PDGFC: variants seen among roughly 807,000 people sequenced by gnomAD.
PDGFC encodes the protein platelet-derived growth factor C.
A neutral mutation model predicts 35.5 loss-of-function variants in PDGFC; 12 were observed. That is an observed-to-expected ratio of 0.34 (90% CI 0.22 to 0.55). PDGFC has a LOEUF of 0.55. Ranked by LOEUF, PDGFC falls within the 20% of genes least tolerant of loss-of-function variation. PDGFC has a pLI of 0.91. For synonymous variants in PDGFC, 159 were observed against 148.8 expected (o/e 1.07, Z -0.50); for missense variants, 322 against 412.4 (o/e 0.78, Z 1.90).
At chr4:156,890,725 C>T (rs539695444) in intron 1 of PDGFC, among the ~76,000 whole-genome samples, 3 of 152,242 alleles carry the variant, frequency 2.0e-5, no homozygotes, top group African/African-American at 4.8e-5. Context: ...AATGTGCTGA[C>T]TAAAATGCTA....
intron 2 of PDGFC, among the ~76,000 whole-genome samples, chr4:156,849,849 G>A (rs1287350368): frequency 6.6e-6 from 1 of 152,014 alleles, no homozygotes; most frequent in Non-Finnish European, 1.5e-5. Flanking sequence ...TTGGCTATGA[G>A]GAAGGTCAAA....
intron 2 of PDGFC, among the ~76,000 whole-genome samples, chr4:156,824,321 TATATATACAC>T (rs1386293380): frequency 1.0e-4 from 10 of 96,250 alleles, no homozygotes; most frequent in African/African-American, 5.0e-4. Context: ...TATATATATA[TATATATACAC>T]ACACACACAC....
chr4:156,870,899 G>A (rs982428128), intron 1 of PDGFC, among the ~76,000 whole-genome samples: 1 of 152,110 alleles, frequency 6.6e-6, no homozygotes, highest in Non-Finnish European at 1.5e-5. Context: ...CGATTGGAAA[G>A]TTTCATTAAA....
intron 1 of PDGFC, among the ~76,000 whole-genome samples, chr4:156,947,365 A>C (rs1245909898): frequency 1.3e-5 from 2 of 151,986 alleles, no homozygotes; most frequent in Non-Finnish European, 2.9e-5. Flanking sequence ...TTTTAATTTA[A>C]AGTTCTCCCC....
chr4:156,882,839 C>T (rs1730275525), intron 1 of PDGFC, among the ~76,000 whole-genome samples: 1 of 152,128 alleles, frequency 6.6e-6, no homozygotes, highest in African/African-American at 2.4e-5. Context: ...AATCCCAGCA[C>T]TTTGGGAGGC....
chr4:156,844,564 C>CACA (rs1409975070), intron 2 of PDGFC, among the ~76,000 whole-genome samples: 9 of 151,838 alleles, frequency 5.9e-5, no homozygotes, highest in Admixed American at 2.6e-4. Flanking sequence ...CTATAACATA[C>CACA]ACAGACACAC....
intron 1 of PDGFC, among the ~76,000 whole-genome samples, chr4:156,876,018 TCTAC>T (rs1730108362): frequency 6.6e-6 from 1 of 152,092 alleles, no homozygotes; most frequent in South Asian, 2.1e-4. Flanking sequence ...GAAAGGAGAT[TCTAC>T]CTAAGAATGA....
intron 1 of PDGFC, chr4:156,876,328 G>A (rs1162140934): frequency 1.3e-5 from 2 of 152,000 alleles, no homozygotes; most frequent in Admixed American, 6.6e-5. Context: ...ACTTGTTTAC[G>A]AAAGGTTCAA....
chr4:156,827,082 C>A (rs778019242), intron 2 of PDGFC, among the ~76,000 whole-genome samples: 1 of 152,110 alleles, frequency 6.6e-6, no homozygotes, highest in Non-Finnish European at 1.5e-5. Context: ...AAGAAAAATT[C>A]TGTTCATCCA....
intron 1 of PDGFC, among the ~76,000 whole-genome samples, chr4:156,915,242 C>T (rs1003857255): frequency 2.0e-4 from 31 of 152,220 alleles, no homozygotes; most frequent in African/African-American, 7.2e-4. Context: ...CAACAAAATA[C>T]AAAGCGTTAG....
chr4:156,903,644 A>G (rs974664664), intron 1 of PDGFC, among the ~76,000 whole-genome samples: 3 of 152,156 alleles, frequency 2.0e-5, no homozygotes, highest in Non-Finnish European at 4.4e-5. Context: ...TGAAACTAAA[A>G]TAAGATAAAC....
At chr4:156,901,944 T>A (rs1730798854) in intron 1 of PDGFC, among the ~76,000 whole-genome samples, 1 of 152,194 alleles carries the variant, frequency 6.6e-6, no homozygotes, top group Non-Finnish European at 1.5e-5. Context: ...CATGTCTAGC[T>A]TTGAGCATGC....
intron 1 of PDGFC, among the ~76,000 whole-genome samples, chr4:156,872,312 A>C (rs138734201): frequency 1.3e-5 from 2 of 152,352 alleles, no homozygotes; most frequent in Non-Finnish European, 2.9e-5. Flanking sequence ...ATGGCACAGA[A>C]GACAGGCAAA....
chr4:156,810,446 T>C (rs895468082), intron 3 of PDGFC, among the ~76,000 whole-genome samples: 1 of 151,982 alleles, frequency 6.6e-6, no homozygotes, highest in African/African-American at 2.4e-5. Context: ...AATGATTCTA[T>C]TATTACTAAA....
chr4:156,820,432 G>A lies in PDGFC; in HGVS notation c.315-9415C>T, dbSNP rs554498891. On this transcript the variant is annotated intron_variant, in intron 2 of 5. Coordinates refer to ENST00000502773, the MANE Select transcript of PDGFC (RefSeq NM_016205.3). Reference sequence around the variant, plus strand: ...TAAGCACCACCATGATCAGTCAGCAGCCACCACATTGAGGCAGGATGTGAG... The same window carrying A: ...TAAGCACCACCATGATCAGTCAGCAACCACCACATTGAGGCAGGATGTGAG... Among the ~76,000 whole-genome samples, 59 of 152,274 alleles carry A rather than the reference G, an allele frequency of 3.9e-4. No homozygotes were observed. In the East Asian group the frequency reaches 8.7e-3, roughly 22 times the overall value.
chr4:156,870,233 T>C (rs759067305), intron 1 of PDGFC, among the ~76,000 whole-genome samples: 48 of 152,176 alleles, frequency 3.2e-4, no homozygotes, highest in Non-Finnish European at 6.3e-4. Flanking sequence ...ACTCTTTCTA[T>C]ATATTTATAA....
chr4:156,911,608 T>G (rs1339417768), intron 1 of PDGFC, among the ~76,000 whole-genome samples: 1 of 152,142 alleles, frequency 6.6e-6, no homozygotes, highest in Non-Finnish European at 1.5e-5. Flanking sequence ...AACCTCTAAG[T>G]GTTATATTAT....
At chr4:156,814,226 A>G (rs770743806) in intron 2 of PDGFC, among the ~76,000 whole-genome samples, 2 of 152,168 alleles carry the variant, frequency 1.3e-5, no homozygotes, top group Non-Finnish European at 2.9e-5. Flanking sequence ...TGGAGGCTTC[A>G]TAGAGGGGAG....
intron 1 of PDGFC, among the ~76,000 whole-genome samples, chr4:156,940,743 A>G (rs1005680910): frequency 3.9e-5 from 6 of 152,070 alleles, no homozygotes; most frequent in Non-Finnish European, 8.8e-5. Flanking sequence ...CCATTTTCTT[A>G]TAAGTGTACA....
Sources: allele counts gnomAD v4.1 joint callset (sites outside exome capture counted in the v4.1 genomes callset), GRCh38; gene constraint gnomAD v4.1.1; transcripts MANE v1.5; gene names NCBI Gene and HGNC (gene_info 2026-07-23, HGNC 2026-07-21).